The following KIF5C variants were observed in gnomAD, a reference collection of about 807,000 sequenced individuals.
The protein encoded by KIF5C is kinesin heavy chain isoform 5C.
Under a neutral mutation model 125.2 loss-of-function variants are expected in KIF5C, and 18 were observed. The observed-to-expected ratio is 0.14, with a 90% CI of 0.10 to 0.21. KIF5C has a LOEUF of 0.21. Among genes scored for constraint, KIF5C ranks in the 10% least tolerant of loss-of-function variants. The probability of loss-of-function intolerance (pLI) is 1.00; values close to 1 mark genes in which losing one functional copy is unlikely to be tolerated. For missense variants in KIF5C, 780 were observed against 1,183.8 expected, an observed-to-expected ratio of 0.66 and a Z score of 5.01; for synonymous variants, 405 against 434.0, an observed-to-expected ratio of 0.93 and a Z score of 0.83.
chr2:148,935,962 A>C (rs973614774), intron 3 of KIF5C, among the ~76,000 whole-genome samples: 2 of 152,222 alleles, frequency 1.3e-5, no homozygotes, highest in African/African-American at 4.8e-5. Context: ...ATTCCAGAGG[A>C]GTATCCATTT....
intron 17 of KIF5C, among the ~76,000 whole-genome samples, chr2:148,996,765 A>AT (rs1399518829): frequency 1.3e-5 from 2 of 152,308 alleles, no homozygotes; most frequent in East Asian, 3.9e-4. Flanking sequence ...GAAACAGAGT[A>AT]TGTTTTCCTG....
At chr2:148,984,840 GA>G (rs1664083275) in intron 15 of KIF5C, among the ~76,000 whole-genome samples, 1 of 152,130 alleles carries the variant, frequency 6.6e-6, no homozygotes, top group Non-Finnish European at 1.5e-5. Context: ...ACCCAGGCTG[GA>G]GTGCAGTGGC....
At chr2:148,875,945 G>A (rs1009549757) in intron 1 of KIF5C, among the ~76,000 whole-genome samples, 2 of 151,746 alleles carry the variant, frequency 1.3e-5, no homozygotes, top group Non-Finnish European at 3.0e-5. Flanking sequence ...CGGGAGCGGC[G>A]GGCCGGGCGG....
intron 14 of KIF5C, 141 bp from the exon 15 acceptor site, chr2:148,983,479 G>A: frequency 8.4e-6 from 10 of 1,193,898 alleles, no homozygotes; most frequent in South Asian, 8.0e-5. Flanking sequence ...AGTGCTATGC[G>A]AGAGTTTGCC....
intron 15 of KIF5C, among the ~76,000 whole-genome samples, chr2:148,984,214 C>T (rs947146439): frequency 6.6e-6 from 1 of 152,230 alleles, no homozygotes; most frequent in Non-Finnish European, 1.5e-5. Flanking sequence ...AATAAAACCA[C>T]ATTTAATTAT....
At chr2:148,959,137 C>T (rs1010484759) in intron 10 of KIF5C, among the ~76,000 whole-genome samples, 1 of 152,212 alleles carries the variant, frequency 6.6e-6, no homozygotes, top group African/African-American at 2.4e-5. Context: ...TAAAGTTCCA[C>T]TTCCCCTCAG....
chr2:148,942,091 A>G, intron 6 of KIF5C, 101 bp downstream of exon 6: 2 of 1,340,980 alleles, frequency 1.5e-6, no homozygotes, highest in Non-Finnish European at 2.0e-6. Flanking sequence ...TAAAGAGCAT[A>G]TAGGCATTTA....
At chr2:148,928,087 A>G (rs1255572846) in intron 2 of KIF5C, among the ~76,000 whole-genome samples, 1 of 152,248 alleles carries the variant, frequency 6.6e-6, no homozygotes, top group African/African-American at 2.4e-5. Context: ...TGTTTATTAA[A>G]ATTTTTTTAA....
intron 1 of KIF5C, among the ~76,000 whole-genome samples, chr2:148,907,790 G>A (rs192015116): frequency 1.4e-3 from 212 of 152,326 alleles, no homozygotes; most frequent in Non-Finnish European, 2.6e-3. Flanking sequence ...GAGTACCTAC[G>A]TGTCCCTGAC....
chr2:148,937,202 G>A, intron 3 of KIF5C, 82 bp from the exon 4 acceptor site: 4 of 1,511,386 alleles, frequency 2.6e-6, no homozygotes, highest in Non-Finnish European at 3.5e-6. Flanking sequence ...TTCTGTCTGA[G>A]GAACCCAGAG....
intron 10 of KIF5C, among the ~76,000 whole-genome samples, chr2:148,952,132 C>A (rs1477577388): frequency 6.6e-6 from 1 of 152,090 alleles, no homozygotes. Context: ...TCTCAGAAAC[C>A]CACAAACCAG....
chr2:148,875,887 C>G (rs575784828), intron 1 of KIF5C, 144 bp downstream of exon 1: 1 of 1,217,686 alleles, frequency 8.2e-7, no homozygotes, highest in South Asian at 1.8e-5. Context: ...ACCAGAGACC[C>G]CTCGCCCCGC....
chr2:148,902,097 G>A (rs73007583), intron 1 of KIF5C, among the ~76,000 whole-genome samples: 10 of 152,102 alleles, frequency 6.6e-5, no homozygotes, highest in South Asian at 2.1e-4. Context: ...AACAGTCAGC[G>A]TTGGTCCATA....
intron 25 of KIF5C, among the ~76,000 whole-genome samples, chr2:149,022,770 A>T (rs1400782444): frequency 6.6e-6 from 1 of 152,136 alleles, no homozygotes; most frequent in African/African-American, 2.4e-5. Context: ...CTAAAAATAC[A>T]AAAATTAGCC....
chr2:149,004,170 G>C (rs1433505091), intron 21 of KIF5C, among the ~76,000 whole-genome samples: 4 of 152,208 alleles, frequency 2.6e-5, no homozygotes, highest in African/African-American at 9.7e-5. Flanking sequence ...TTGACTTCAG[G>C]TGCTTCTTAT....
At chr2:148,933,892 A>G (rs905354346) in intron 3 of KIF5C, among the ~76,000 whole-genome samples, 4 of 150,314 alleles carry the variant, frequency 2.7e-5, no homozygotes, top group Non-Finnish European at 5.9e-5. Context: ...ACCACACACA[A>G]TATATCACAC....
chr2:148,875,589 C>CCCCTGCCCCCCCCCCA lies in KIF5C; in HGVS notation c.-27_-26insCTGCCCCCCCCCCACC. ...TCCCGGCCCCGGCCCCCCACCCATC[C>CCCCTGCCCCCCCCCCA]CCGTGCCCCCTCCCTACCGCCGGCC... On this transcript the variant is annotated 5_prime_UTR_variant, in exon 1 of 26. Transcript: ENST00000435030. The CCCCTGCCCCCCCCCCA allele has an allele frequency of 7.9e-7, 1 of 1,258,244 alleles. No homozygotes were observed. The highest frequency in any genetic ancestry group is 1.3e-5 in the South Asian group (1 of 77,534). The allele number at this position is 1,258,244 out of a possible 1,614,324, so 77.9% of individuals were successfully genotyped here.
chr2:148,930,492 A>T (rs777126066), intron 3 of KIF5C, among the ~76,000 whole-genome samples: 1 of 152,152 alleles, frequency 6.6e-6, no homozygotes, highest in Non-Finnish European at 1.5e-5. Flanking sequence ...GGTAAGATGA[A>T]TCCTTAATCC....
chr2:148,971,742 G>A (rs987344965), intron 11 of KIF5C, among the ~76,000 whole-genome samples: 11 of 152,108 alleles, frequency 7.2e-5, no homozygotes, highest in Middle Eastern at 3.2e-3. Flanking sequence ...TACTTAACAC[G>A]GAGGCCCCAT....
Sources: allele counts gnomAD v4.1 joint callset (sites outside exome capture counted in the v4.1 genomes callset), GRCh38; gene constraint gnomAD v4.1.1; transcripts MANE v1.5; gene names NCBI Gene and HGNC (gene_info 2026-07-23, HGNC 2026-07-21).